Variants in PTPRT observed in about 807,000 individuals in gnomAD.
PTPRT encodes the protein protein tyrosine phosphatase receptor type T.
Under a neutral mutation model 176.8 loss-of-function variants are expected in PTPRT, and 56 were observed. The observed-to-expected ratio is 0.32, with a 90% CI of 0.26 to 0.40. The LOEUF is 0.40. Ranked by LOEUF, PTPRT falls within the 10% of genes least tolerant of loss-of-function variation. PTPRT has a pLI of 1.00. For missense variants in PTPRT, 1,540 were observed against 1,908.2 expected (o/e 0.81, Z 3.60); for synonymous variants, 783 against 739.0 (o/e 1.06, Z -0.96).
intron 6 of PTPRT, among the ~76,000 whole-genome samples, chr20:42,740,467 G>C (rs573008988): frequency 5.9e-5 from 9 of 152,142 alleles, no homozygotes; most frequent in African/African-American, 1.9e-4. Flanking sequence ...AGCCCCTGCC[G>C]AGTCCTCCTG....
At chr20:42,814,231 G>C (rs2077743718) in intron 2 of PTPRT, among the ~76,000 whole-genome samples, 1 of 151,970 alleles carries the variant, frequency 6.6e-6, no homozygotes, top group African/African-American at 2.4e-5. Context: ...TCTTTCCCTT[G>C]TTTTGGTGTT....
At chr20:43,151,143 C>CTAG (rs898686652) in intron 1 of PTPRT, among the ~76,000 whole-genome samples, 1 of 151,808 alleles carries the variant, frequency 6.6e-6, no homozygotes, top group African/African-American at 2.4e-5. Flanking sequence ...CCCATCTCTA[C>CTAG]TAAAAATACA....
intron 7 of PTPRT, among the ~76,000 whole-genome samples, chr20:42,489,010 G>T (rs925681892): frequency 4.9e-3 from 6 of 1,230 alleles, no homozygotes; most frequent in Non-Finnish European, 7.0e-3. Context: ...AACCAAGTTT[G>T]TGTGTGTGTG....
intron 3 of PTPRT, among the ~76,000 whole-genome samples, chr20:42,789,321 T>C (rs2077339456): frequency 6.6e-6 from 1 of 152,234 alleles, no homozygotes; most frequent in African/African-American, 2.4e-5. Flanking sequence ...CCTTTTACTT[T>C]TTAATGTGGC....
At chr20:42,780,575 C>T (rs909323290) in intron 3 of PTPRT, among the ~76,000 whole-genome samples, 5 of 152,156 alleles carry the variant, frequency 3.3e-5, no homozygotes, top group Non-Finnish European at 7.4e-5. Flanking sequence ...ACCGAGGTCT[C>T]GGAAACCCCA....
intron 2 of PTPRT, among the ~76,000 whole-genome samples, chr20:42,881,887 C>T (rs1184107731): frequency 6.6e-6 from 1 of 152,060 alleles, no homozygotes; most frequent in African/African-American, 2.4e-5. Flanking sequence ...ATCTCAGGAA[C>T]TAAAACACAC....
intron 2 of PTPRT, among the ~76,000 whole-genome samples, chr20:42,869,227 T>G (rs6030533): frequency 0.056 from 8,575 of 151,812 alleles, 657 homozygotes; most frequent in African/African-American, 0.17. Context: ...CATGGAGCCA[T>G]GGAGATGGGC....
intron 27 of PTPRT, among the ~76,000 whole-genome samples, chr20:42,092,901 T>A (rs1393564737): frequency 1.3e-5 from 2 of 152,204 alleles, no homozygotes; most frequent in Non-Finnish European, 2.9e-5. Context: ...AGGCTTTGCA[T>A]CCCTGATCTC....
intron 9 of PTPRT, among the ~76,000 whole-genome samples, chr20:42,389,300 T>C (rs1373760985): frequency 4.0e-5 from 6 of 151,688 alleles, no homozygotes; most frequent in African/African-American, 1.5e-4. Context: ...TGATATAGGG[T>C]CTTATCTGAT....
chr20:42,620,907 C>T (rs1465749121), intron 7 of PTPRT, among the ~76,000 whole-genome samples: 1 of 152,168 alleles, frequency 6.6e-6, no homozygotes, highest in Non-Finnish European at 1.5e-5. Context: ...TCTTCTGCAT[C>T]GCTCACGCTG....
chr20:42,702,327 A>G (rs529711149), intron 6 of PTPRT, among the ~76,000 whole-genome samples: 3 of 152,280 alleles, frequency 2.0e-5, no homozygotes, highest in African/African-American at 7.2e-5. Flanking sequence ...CTCAATGTGC[A>G]ATGCTCATTA....
chr20:42,201,892 A>T (rs960949099), intron 15 of PTPRT, among the ~76,000 whole-genome samples: 3 of 151,978 alleles, frequency 2.0e-5, no homozygotes, highest in South Asian at 2.1e-4. Flanking sequence ...AGAGCACAGT[A>T]GAGAAAGGTG....
rs181632133 is a variant in PTPRT at position 42,546,067 on chromosome 20, G to A, written c.1154-73505C>T. On this transcript the variant is annotated intron_variant, in intron 7 of 30. Coordinates refer to ENST00000373187, the MANE Select transcript of PTPRT (RefSeq NM_007050.6). ...AGGTAAACATTCCTGGTGTATTTGT[G>A]TGCTCATTATAGTAGCACTTTTAAT... 2.6e-5 allele frequency among the ~76,000 whole-genome samples: 4 copies of A among 152,072 alleles called. No individual in the cohort carries two copies. In the East Asian group the frequency reaches 7.7e-4, roughly 29 times the overall value.
intron 1 of PTPRT, among the ~76,000 whole-genome samples, chr20:42,906,665 C>A (rs1314720756): frequency 6.6e-6 from 1 of 152,196 alleles, no homozygotes; most frequent in East Asian, 1.9e-4. Context: ...GCCTACCCAT[C>A]TGCATGCTTC....
chr20:42,465,218 A>C (rs1423668405), intron 8 of PTPRT, among the ~76,000 whole-genome samples: 1 of 152,176 alleles, frequency 6.6e-6, no homozygotes, highest in Non-Finnish European at 1.5e-5. Flanking sequence ...AAAACACAAA[A>C]TCATACAACT....
At chr20:43,025,169 A>T (rs953344846) in intron 1 of PTPRT, among the ~76,000 whole-genome samples, 1 of 152,210 alleles carries the variant, frequency 6.6e-6, no homozygotes, top group Non-Finnish European at 1.5e-5. Flanking sequence ...TTAGCTCACC[A>T]TGCCTGATAC....
the PTPRT span, among the ~76,000 whole-genome samples, chr20:42,035,115 G>A: frequency 1.3e-5 from 2 of 152,220 alleles, no homozygotes; most frequent in African/African-American, 4.8e-5. Flanking sequence ...ATGTCCGTCT[G>A]GGACATGGGA....
intron 21 of PTPRT, among the ~76,000 whole-genome samples, chr20:42,117,782 G>C (rs16986526): frequency 0.035 from 5,312 of 152,268 alleles, 155 homozygotes; most frequent in African/African-American, 0.079. Flanking sequence ...GCAGAAAAGA[G>C]GGAACAAGAA....
intron 16 of PTPRT, among the ~76,000 whole-genome samples, chr20:42,189,113 C>T (rs1020835376): frequency 1.3e-5 from 2 of 151,702 alleles, no homozygotes; most frequent in African/African-American, 4.8e-5. Context: ...GCTCCAGCTA[C>T]CATTCCAGCT....
Sources: allele counts gnomAD v4.1 joint callset (sites outside exome capture counted in the v4.1 genomes callset), GRCh38; gene constraint gnomAD v4.1.1; transcripts MANE v1.5; gene names NCBI Gene and HGNC (gene_info 2026-07-23, HGNC 2026-07-21).